DLG2: variants seen among roughly 807,000 people sequenced by gnomAD.
The protein encoded by DLG2 is discs large MAGUK scaffold protein 2, also known as disks large homolog 2.
A neutral mutation model predicts 132.5 loss-of-function variants in DLG2; 45 were observed. The ratio of observed to expected loss-of-function variants is 0.34; its 90% CI spans 0.27 to 0.44. DLG2 has a LOEUF of 0.44. DLG2 is among the 20% of genes least tolerant of loss of function. DLG2 has a pLI of 1.00. For missense variants in DLG2, 1,045 were observed against 1,196.9 expected, an observed-to-expected ratio of 0.87 and a Z score of 1.87; for synonymous variants, 424 against 419.6, an observed-to-expected ratio of 1.01 and a Z score of -0.13.
chr11:84,952,720 G>A (rs2051125429), intron 6 of DLG2, among the ~76,000 whole-genome samples: 1 of 152,078 alleles, frequency 6.6e-6, no homozygotes. Flanking sequence ...AATATTTAAG[G>A]TCATTATGAA....
intron 2 of DLG2, among the ~76,000 whole-genome samples, chr11:85,624,128 T>C (rs952715505): frequency 6.6e-6 from 1 of 152,048 alleles, no homozygotes; most frequent in African/African-American, 2.4e-5. Context: ...TCTGTAAAAA[T>C]GCGAAGAGAC....
chr11:84,009,946 A>T (rs2094790810), intron 11 of DLG2, among the ~76,000 whole-genome samples: 1 of 152,094 alleles, frequency 6.6e-6, no homozygotes, highest in South Asian at 2.1e-4. Flanking sequence ...ACGCGAATCC[A>T]AGACTGTCTG....
In DLG2 at chr11:84,155,178, A is replaced by C. The variant is rs571240207; in HGVS notation, c.624+8283T>G. 2.0e-5 allele frequency among the ~76,000 whole-genome samples: 3 copies of C among 152,186 alleles called. No homozygotes were observed. In the East Asian group the frequency reaches 5.8e-4, roughly 29 times the overall value. ...TATAGTTGATTGGCTTCATTTCTGG[A>C]TGCTTTTAGAGGGTTGAGGCTCTTC... On this transcript the variant is annotated intron_variant, in intron 9 of 27. Coordinates refer to ENST00000376104, the MANE Select transcript of DLG2 (RefSeq NM_001142699.3).
chr11:85,211,910 C>G (rs1404571799), intron 4 of DLG2, among the ~76,000 whole-genome samples: 1 of 151,876 alleles, frequency 6.6e-6, no homozygotes, highest in Non-Finnish European at 1.5e-5. Context: ...ATCTCCATTG[C>G]CTGGCAAGGA....
intron 18 of DLG2, among the ~76,000 whole-genome samples, chr11:83,716,181 T>A (rs1373261150): frequency 6.6e-6 from 1 of 152,198 alleles, no homozygotes; most frequent in East Asian, 1.9e-4. Flanking sequence ...CACGTGTTTT[T>A]TTGTTTGTTT....
intron 9 of DLG2, among the ~76,000 whole-genome samples, chr11:84,159,834 A>C (rs2095507670): frequency 6.6e-6 from 1 of 152,140 alleles, no homozygotes; most frequent in East Asian, 1.9e-4. Flanking sequence ...GATCTGACTG[A>C]TTTTGTAATA....
intron 6 of DLG2, among the ~76,000 whole-genome samples, chr11:84,978,619 A>C (rs2055266024): frequency 6.6e-6 from 1 of 152,204 alleles, no homozygotes; most frequent in African/African-American, 2.4e-5. Flanking sequence ...CATATGTAGA[A>C]AGCTGAAACT....
intron 6 of DLG2, among the ~76,000 whole-genome samples, chr11:85,068,002 C>G (rs1240352373): frequency 6.6e-6 from 1 of 152,034 alleles, no homozygotes; most frequent in Non-Finnish European, 1.5e-5. Flanking sequence ...TCAACATATG[C>G]AAATCAATAA....
intron 5 of DLG2, among the ~76,000 whole-genome samples, chr11:85,122,940 G>GTATATAAATTATA (rs2074512742): frequency 2.1e-5 from 1 of 47,684 alleles, no homozygotes; most frequent in African/African-American, 8.3e-5. Context: ...ATGTGTGTCT[G>GTATATAAATTATA]TATATATATT....
intron 18 of DLG2, among the ~76,000 whole-genome samples, chr11:83,678,880 G>A (rs1408931552): frequency 6.6e-6 from 1 of 152,122 alleles, no homozygotes; most frequent in Admixed American, 6.6e-5. Context: ...GTAAAAATAG[G>A]AGAGATGGCT....
At chr11:83,781,644 C>G (rs2094833767) in intron 18 of DLG2, among the ~76,000 whole-genome samples, 1 of 152,164 alleles carries the variant, frequency 6.6e-6, no homozygotes. Context: ...ATTCTGAAAT[C>G]CTGGCAGTCT....
chr11:83,964,512 C>T (rs984458373), intron 13 of DLG2, among the ~76,000 whole-genome samples: 4 of 152,090 alleles, frequency 2.6e-5, no homozygotes, highest in African/African-American at 4.8e-5. Context: ...GTTCTGAAGA[C>T]GTTCCAAGTT....
intron 21 of DLG2, among the ~76,000 whole-genome samples, chr11:83,500,537 G>C (rs2094407723): frequency 6.6e-6 from 1 of 152,066 alleles, no homozygotes; most frequent in African/African-American, 2.4e-5. Context: ...AACTTTGTGT[G>C]GTCACTGGGT....
chr11:83,627,899 C>A (rs1293755038), intron 19 of DLG2, among the ~76,000 whole-genome samples: 2 of 152,092 alleles, frequency 1.3e-5, no homozygotes, highest in Non-Finnish European at 2.9e-5. Context: ...TTTTAATGAT[C>A]GCCATTCTAA....
intron 18 of DLG2, among the ~76,000 whole-genome samples, chr11:83,667,499 A>G (rs2075847324): frequency 6.6e-6 from 1 of 152,188 alleles, no homozygotes; most frequent in Admixed American, 6.5e-5. Context: ...ATTTCATGTG[A>G]GCTTCACAAA....
chr11:83,616,993 T>C (rs2060917222), intron 19 of DLG2, among the ~76,000 whole-genome samples: 1 of 152,218 alleles, frequency 6.6e-6, no homozygotes, highest in South Asian at 2.1e-4. Flanking sequence ...TATTATTCCA[T>C]TGGTCTACTT....
Position 85,272,504 on chromosome 11 carries a change from A to G in DLG2, c.186+12716T>C, listed in dbSNP as rs372095599. 2.6e-5 allele frequency among the ~76,000 whole-genome samples: 4 copies of G among 152,308 alleles called. No individual in the cohort carries two copies. The South Asian group carries it at 6.2e-4, about 24-fold the overall frequency. The stretch of plus-strand genomic sequence containing the variant: ...TGAGGCAGAATTCCTTCTCCAGAAC[A>G]GTTTTGCTCTTAAGGCCTTCAACTG... On this transcript the variant is annotated intron_variant, in intron 4 of 27. Coordinates refer to ENST00000376104, the MANE Select transcript of DLG2 (RefSeq NM_001142699.3).
At chr11:85,100,691 C>G (rs2152273059) in intron 6 of DLG2, among the ~76,000 whole-genome samples, 1 of 152,180 alleles carries the variant, frequency 6.6e-6, no homozygotes, top group East Asian at 1.9e-4. Flanking sequence ...TGCCATCAGT[C>G]TCTCCTTCCT....
intron 17 of DLG2, among the ~76,000 whole-genome samples, chr11:83,826,870 T>C (rs1414850855): frequency 1.3e-5 from 2 of 152,118 alleles, no homozygotes; most frequent in African/African-American, 4.8e-5. Context: ...ATTTAAGCTG[T>C]TTCACTTTTG....
Sources: allele counts gnomAD v4.1 joint callset (sites outside exome capture counted in the v4.1 genomes callset), GRCh38; gene constraint gnomAD v4.1.1; transcripts MANE v1.5; gene names NCBI Gene and HGNC (gene_info 2026-07-23, HGNC 2026-07-21).